CMTM8: variants seen among roughly 807,000 people sequenced by gnomAD.
CMTM8 encodes CKLF-like MARVEL transmembrane domain-containing protein 8.
In CMTM8, 12 loss-of-function variants were observed where a neutral mutation model predicts 18.6. The ratio of observed to expected loss-of-function variants is 0.65; its 90% CI spans 0.41 to 1.05. The LOEUF (loss-of-function observed/expected upper bound fraction) is 1.05, where lower values mean the gene tolerates loss of function less well. Ranked by LOEUF, CMTM8 falls within the 50% of genes least tolerant of loss-of-function variation. CMTM8 has a pLI of 0.00. For missense variants in CMTM8, 217 were observed against 227.2 expected, an observed-to-expected ratio of 0.95 and a Z score of 0.29; for synonymous variants, 87 against 90.6, an observed-to-expected ratio of 0.96 and a Z score of 0.23.
chr3:32,347,561 A>G (rs17029245), intron 1 of CMTM8, among the ~76,000 whole-genome samples: 19,906 of 151,932 alleles, frequency 0.13, 1,418 homozygotes, highest in Middle Eastern at 0.2. Flanking sequence ...CAGTACTCTC[A>G]AGGGCCGGGC....
At chr3:32,239,892 G>A (rs1011651522) in intron 1 of CMTM8, among the ~76,000 whole-genome samples, 1 of 152,154 alleles carries the variant, frequency 6.6e-6, no homozygotes, top group Non-Finnish European at 1.5e-5. Context: ...ATACCCTCGT[G>A]TAATCCAACG....
At chr3:32,320,233 C>G (rs777758735) in intron 1 of CMTM8, among the ~76,000 whole-genome samples, 1 of 152,270 alleles carries the variant, frequency 6.6e-6, no homozygotes, top group Non-Finnish European at 1.5e-5. Context: ...TCCAAATGCC[C>G]GTCACCTGAT....
At chr3:32,308,675 C>A (rs1357725349) in intron 1 of CMTM8, among the ~76,000 whole-genome samples, 1 of 152,142 alleles carries the variant, frequency 6.6e-6, no homozygotes, top group Admixed American at 6.5e-5. Context: ...ACATGGAAAG[C>A]CCTTAGAACA....
intron 1 of CMTM8, among the ~76,000 whole-genome samples, chr3:32,254,685 C>T (rs1392107078): frequency 6.6e-6 from 1 of 151,660 alleles, no homozygotes; most frequent in Non-Finnish European, 1.5e-5. Context: ...TATTCCTGGC[C>T]ACGTACTTTG....
chr3:32,301,975 C>T (rs1440609361), intron 1 of CMTM8, among the ~76,000 whole-genome samples: 1 of 151,424 alleles, frequency 6.6e-6, no homozygotes, highest in Admixed American at 6.6e-5. Flanking sequence ...ATAGAATAGA[C>T]CCAAATTCCT....
intron 1 of CMTM8, among the ~76,000 whole-genome samples, chr3:32,326,296 C>T (rs1696153016): frequency 6.6e-6 from 1 of 152,184 alleles, no homozygotes; most frequent in South Asian, 2.1e-4. Flanking sequence ...TCTATCACTG[C>T]CTGCTCAGTG....
At chr3:32,357,681 T>C (rs1696843275) in intron 2 of CMTM8, 135 bp downstream of exon 2, 3 of 803,574 alleles carry the variant, frequency 3.7e-6, no homozygotes, top group Admixed American at 2.8e-5. Context: ...ACACAGCAGA[T>C]AATCTCAGCA....
intron 1 of CMTM8, among the ~76,000 whole-genome samples, chr3:32,298,782 G>A (rs571571637): frequency 8.7e-4 from 124 of 142,896 alleles, no homozygotes; most frequent in African/African-American, 3.0e-3. Flanking sequence ...AGGGGCATGC[G>A]CCACCACACC....
chr3:32,244,664 A>G (rs2125527447), intron 1 of CMTM8, among the ~76,000 whole-genome samples: 1 of 152,266 alleles, frequency 6.6e-6, no homozygotes, highest in Middle Eastern at 3.4e-3. Flanking sequence ...TTGAATTATT[A>G]CCGTTTTCTG....
chr3:32,289,249 C>T (rs1260109050), intron 1 of CMTM8, among the ~76,000 whole-genome samples: 1 of 152,186 alleles, frequency 6.6e-6, no homozygotes, highest in East Asian at 1.9e-4. Flanking sequence ...AATTTAAAAT[C>T]TCCTGATTAA....
rs115247259 is a variant in CMTM8, at chr3:32,358,106, G to T, written c.321+560G>T. 0.012 allele frequency among the ~76,000 whole-genome samples: 1,786 copies of T among 152,334 alleles called. 32 individuals are homozygous for T. Among genetic ancestry groups the T allele is most frequent in the African/African-American group, 0.041 (1,695 of 41,564 alleles). On this transcript the variant is annotated intron_variant, in intron 2 of 3. Coordinates refer to ENST00000307526, the MANE Select transcript of CMTM8 (RefSeq NM_178868.5). The surrounding 1 kb of genome is among the most constrained non-coding windows in gnomAD (Gnocchi z 4.1). ...TCCTGGCTCTGGCACCATGCTGGAT[G>T]CAGGATGGTGAACATGTGGTCCAGG...
At chr3:32,366,224 T>C (rs2125605033) in intron 2 of CMTM8, among the ~76,000 whole-genome samples, 1 of 152,234 alleles carries the variant, frequency 6.6e-6, no homozygotes, top group African/African-American at 2.4e-5. Context: ...TCTACTCACG[T>C]CTCTACCAAC....
At position 32,298,967 on chromosome 3, in the gene CMTM8, T is replaced by G. The variant is rs577183652; in HGVS notation, c.148-58406T>G. Among the ~76,000 whole-genome samples the G allele has an allele frequency of 7.4e-3, 1,060 of 144,190 alleles. 6 individuals carry two copies. Among genetic ancestry groups the G allele is most frequent in the Non-Finnish European group, 0.01 (695 of 66,294 alleles). 94.6% of individuals were successfully genotyped at this position (144,190 alleles called of 152,430 possible). A position where few individuals can be genotyped will look rare whatever the true frequency, so the allele number is the denominator to read the frequency against. ...TATATATATATATATTTTTTTTTTT[T>G]TAGAGACAGGGGTCCAGGCTATGTT... On this transcript the variant is annotated intron_variant, in intron 1 of 3. Transcript: ENST00000307526.
chr3:32,311,231 TA>T (rs1377210252), intron 1 of CMTM8, among the ~76,000 whole-genome samples: 1 of 152,230 alleles, frequency 6.6e-6, no homozygotes, highest in Non-Finnish European at 1.5e-5. Context: ...AAAACAAGAA[TA>T]CTGTTTTGCA....
intron 1 of CMTM8, among the ~76,000 whole-genome samples, chr3:32,294,360 T>G (rs1166095765): frequency 6.6e-6 from 1 of 152,244 alleles, no homozygotes; most frequent in Non-Finnish European, 1.5e-5. Context: ...TCCAGATGCC[T>G]TCTTCTCTAT....
chr3:32,356,809 G>A (rs1354755365), intron 1 of CMTM8, among the ~76,000 whole-genome samples: 1 of 152,196 alleles, frequency 6.6e-6, no homozygotes, highest in African/African-American at 2.4e-5. Flanking sequence ...ACCAAGTGGT[G>A]TTTTAAAACC....
Position 32,246,242 on chromosome 3 carries a change from GC to G in CMTM8, c.147+7129del, listed in dbSNP as rs550840643. 2.4e-3 allele frequency among the ~76,000 whole-genome samples: 371 copies of G among 152,112 alleles called. 3 individuals are homozygous for G. Among genetic ancestry groups the G allele is most frequent in the African/African-American group, 8.3e-3 (343 of 41,492 alleles). On this transcript the variant is annotated intron_variant, in intron 1 of 3. Transcript: ENST00000307526. ...CTGATCCTGCATGGACTTATTAAGG[GC>G]CCCCCTGCCATCTGATGTCCCACTG...
rs1214241551 is a variant in CMTM8 at position 32,359,435 on chromosome 3, C to CA, written c.321+1894dup. Among the ~76,000 whole-genome samples, 7 of 152,278 alleles carry CA rather than the reference C, an allele frequency of 4.6e-5. No homozygotes were observed. In the East Asian group the frequency reaches 1.4e-3, roughly 30 times the overall value. On this transcript the variant is annotated intron_variant, in intron 2 of 3. Coordinates refer to ENST00000307526, the MANE Select transcript of CMTM8 (RefSeq NM_178868.5). The stretch of plus-strand genomic sequence containing the variant: ...CGAAATCCCGTCTCTACTATAAATA[C>CA]AAAAATTAGCCTGGCGTAGTGGCAC...
intron 1 of CMTM8, among the ~76,000 whole-genome samples, chr3:32,274,852 C>T (rs1432838398): frequency 6.6e-6 from 1 of 152,082 alleles, no homozygotes; most frequent in Non-Finnish European, 1.5e-5. Context: ...GAATGCTCTG[C>T]AAATTATGTG....
Sources: gnomAD v4.1 joint callset for allele counts (sites outside exome capture counted in the v4.1 genomes callset) on GRCh38, gnomAD v4.1.1 for gene constraint, Gnocchi (gnomAD v3.1) non-coding constraint, MANE v1.5 for transcripts, NCBI Gene and HGNC (gene_info 2026-07-23, HGNC 2026-07-21) for gene names.